The following RHPN2 variants were observed in gnomAD, a reference collection of about 807,000 sequenced individuals.
RHPN2 encodes the protein rhophilin-2.
A neutral mutation model predicts 79.0 loss-of-function variants in RHPN2; 40 were observed. The ratio of observed to expected loss-of-function variants is 0.51; its 90% CI spans 0.39 to 0.66. RHPN2 has a LOEUF of 0.66. Among genes scored for constraint, RHPN2 ranks in the 30% least tolerant of loss-of-function variants. The probability of loss-of-function intolerance (pLI) is 0.00; values close to 1 mark genes in which losing one functional copy is unlikely to be tolerated. For synonymous variants in RHPN2, 285 were observed against 363.5 expected (o/e 0.78, Z 2.46); for missense variants, 686 against 883.5 (o/e 0.78, Z 2.83).
chr19:33,026,955 G>A (rs1454280968), intron 2 of RHPN2: 2 of 350,696 alleles, frequency 5.7e-6, no homozygotes, highest in African/African-American at 2.1e-5. Context: ...ATACCCACTT[G>A]AAAAGAAATG....
intron 1 of RHPN2, among the ~76,000 whole-genome samples, chr19:33,046,747 C>T (rs951892279): frequency 1.2e-4 from 19 of 152,138 alleles, no homozygotes; most frequent in African/African-American, 4.1e-4. Flanking sequence ...TGTCTCACAT[C>T]GTGGTTTTGA....
At position 33,002,413 on chromosome 19, in the gene RHPN2, A is replaced by G; in HGVS notation, c.949-10T>C. ...GGTAGACCTCTCCCACCTGAAATAGAAGGGACACTGGGAAGGGGCAGCCCG... is the reference window on the plus strand; with the variant it reads ...GGTAGACCTCTCCCACCTGAAATAGGAGGGACACTGGGAAGGGGCAGCCCG... On this transcript the variant is annotated splice_polypyrimidine_tract_variant and intron_variant, in intron 8 of 14. Coordinates refer to ENST00000254260, the MANE Select transcript of RHPN2 (RefSeq NM_033103.5). 1 of 1,613,792 alleles carries G rather than the reference A, an allele frequency of 6.2e-7. No homozygotes were observed. Among genetic ancestry groups the G allele is most frequent in the Non-Finnish European group, 8.5e-7 (1 of 1,179,808 alleles).
intron 1 of RHPN2, among the ~76,000 whole-genome samples, chr19:33,051,138 C>T (rs1280533173): frequency 6.6e-6 from 1 of 152,172 alleles, no homozygotes; most frequent in Non-Finnish European, 1.5e-5. Context: ...ATTACAGGTG[C>T]ACACCACCAT....
In RHPN2 at chr19:33,002,916, A is replaced by G; in HGVS notation, c.845T>C (p.Met282Thr). 1 of 1,613,924 alleles carries G rather than the reference A, an allele frequency of 6.2e-7. No homozygotes were observed. Among genetic ancestry groups the G allele is most frequent in the Non-Finnish European group, 8.5e-7 (1 of 1,179,862 alleles). Residue 282 changes from methionine (M) to threonine (T), a missense_variant, in exon 8 of 15, where the codon ATG becomes ACG. Physicochemically the swap from Met to Thr is moderately conservative, Grantham distance 81. Coordinates refer to ENST00000254260, the MANE Select transcript of RHPN2 (RefSeq NM_033103.5). The part of the protein sequence containing the change: ...SPAMLSVLVK[M>T]MLAQAQESVF... ...GCTTTCTTGGGCTTGTGCAAGCATC[A>G]TTTTGACGAGCACGCTGAGCATGGC...
Position 32,996,034 on chromosome 19 carries a change from C to G in RHPN2, c.1412G>C (p.Ser471Thr). 6.2e-7 allele frequency: 1 copy of G among 1,614,006 alleles called. No individual in the cohort carries two copies. Among genetic ancestry groups the G allele is most frequent in the South Asian group, 1.1e-5 (1 of 91,074 alleles). Reference protein sequence around the residue: ...DDLLNLIDAPSVVAKTEQEVD... With the variant: ...DDLLNLIDAPTVVAKTEQEVD... ...CAGTCTAGGCTACTCACCAACAACA[C>G]TGGGGGCGTCGATCAGGTTCAGCAG... The change falls in exon 11 of 15, where the codon AGT becomes ACT. Residue 471 changes from serine (S) to threonine (T), a missense_variant. Coordinates refer to ENST00000254260, the MANE Select transcript of RHPN2 (RefSeq NM_033103.5).
intron 4 of RHPN2, among the ~76,000 whole-genome samples, chr19:33,013,573 C>T (rs1358126709): frequency 1.3e-5 from 2 of 152,098 alleles, no homozygotes; most frequent in Non-Finnish European, 2.9e-5. Context: ...GTCTTTGTGT[C>T]TGCGCATCGT....
chr19:33,023,982 A>G (rs1971946508), intron 3 of RHPN2, among the ~76,000 whole-genome samples: 1 of 152,072 alleles, frequency 6.6e-6, no homozygotes, highest in Non-Finnish European at 1.5e-5. Flanking sequence ...GCTCTTCGGC[A>G]TGGCAAATGC....
chr19:33,023,749 C>T (rs940419641), intron 3 of RHPN2, among the ~76,000 whole-genome samples: 2 of 146,812 alleles, frequency 1.4e-5, no homozygotes, highest in Non-Finnish European at 3.0e-5. Context: ...CGTGCCACTG[C>T]ACTCCAGCCT....
intron 1 of RHPN2, among the ~76,000 whole-genome samples, chr19:33,054,725 A>G (rs1391679685): frequency 1.3e-5 from 2 of 152,322 alleles, no homozygotes; most frequent in East Asian, 3.9e-4. Flanking sequence ...GCTACCTCCA[A>G]TGCAGCCTTT....
intron 2 of RHPN2, among the ~76,000 whole-genome samples, chr19:33,032,425 G>A (rs1464987213): frequency 6.6e-6 from 1 of 152,136 alleles, no homozygotes; most frequent in East Asian, 1.9e-4. Context: ...GTGGTGTAGG[G>A]AGGAGCTGAA....
intron 1 of RHPN2, among the ~76,000 whole-genome samples, chr19:33,059,153 C>G (rs183064992): frequency 6.6e-6 from 1 of 152,048 alleles, no homozygotes; most frequent in African/African-American, 2.4e-5. Context: ...TCACTGCCCC[C>G]GGCTGGCTCA....
chr19:33,036,649 G>A (rs1302210059), intron 2 of RHPN2, among the ~76,000 whole-genome samples: 5 of 152,194 alleles, frequency 3.3e-5, no homozygotes, highest in African/African-American at 9.6e-5. Context: ...GGAGAGGCGC[G>A]GGCGGGAACC....
chr19:33,053,149 G>C (rs1368154922), intron 1 of RHPN2, among the ~76,000 whole-genome samples: 1 of 141,750 alleles, frequency 7.1e-6, no homozygotes, highest in Non-Finnish European at 1.5e-5. Context: ...TTTTTGTTTT[G>C]TTTTGTTTTG....
intron 10 of RHPN2, among the ~76,000 whole-genome samples, chr19:32,998,194 A>T (rs1489379881): frequency 6.6e-6 from 1 of 152,200 alleles, no homozygotes; most frequent in African/African-American, 2.4e-5. Flanking sequence ...GACGCACCTC[A>T]TAGTGTTGTG....
chr19:33,029,009 G>A (rs543709217), intron 2 of RHPN2, among the ~76,000 whole-genome samples: 86 of 151,928 alleles, frequency 5.7e-4, no homozygotes, highest in African/African-American at 1.8e-3. Context: ...GAGTGGTGGC[G>A]GACACCTATA....
chr19:32,980,371 GC>G, intron 14 of RHPN2, 115 bp from the exon 15 acceptor site: 1 of 1,214,692 alleles, frequency 8.2e-7, no homozygotes, highest in Non-Finnish European at 1.2e-6. Context: ...AGTTTGGGAG[GC>G]CGAGGAAGGC....
chr19:33,060,408 A>G lies in RHPN2; in HGVS notation c.69+4376T>C, dbSNP rs78547544. Among the ~76,000 whole-genome samples, 188 of 152,194 alleles carry G rather than the reference A, an allele frequency of 1.2e-3. 2 individuals carry two copies. The highest frequency in any genetic ancestry group is 9.5e-3 in the Admixed American group (145 of 15,274). Reference sequence around the variant, plus strand: ...CAGATATTGCCCTTTCTCCAGCTCTATCATTCCAACCTCCTCATCACTAGA... The same window carrying G: ...CAGATATTGCCCTTTCTCCAGCTCTGTCATTCCAACCTCCTCATCACTAGA... On this transcript the variant is annotated intron_variant, in intron 1 of 14. Coordinates refer to ENST00000254260, the MANE Select transcript of RHPN2 (RefSeq NM_033103.5).
chr19:33,058,123 G>A (rs1405542051), intron 1 of RHPN2, among the ~76,000 whole-genome samples: 1 of 152,106 alleles, frequency 6.6e-6, no homozygotes, highest in Non-Finnish European at 1.5e-5. Flanking sequence ...GTGCACCACT[G>A]CACTCCAGCC....
intron 12 of RHPN2, among the ~76,000 whole-genome samples, 188 bp downstream of exon 12, chr19:32,993,789 A>G (rs1175553684): frequency 6.6e-6 from 1 of 152,132 alleles, no homozygotes; most frequent in Admixed American, 6.6e-5. Context: ...TTCAGCAGAT[A>G]CCGAATCTGC....
Sources: gnomAD v4.1 joint callset for allele counts (sites outside exome capture counted in the v4.1 genomes callset) on GRCh38, gnomAD v4.1.1 for gene constraint, MANE v1.5 for transcripts, NCBI Gene and HGNC (gene_info 2026-07-23, HGNC 2026-07-21) for gene names.